The following HAVCR1 variants were observed in gnomAD, a reference collection of about 807,000 sequenced individuals.
HAVCR1 encodes hepatitis A virus cellular receptor 1.
In HAVCR1, 34 loss-of-function variants were observed where a neutral mutation model predicts 32.0. The ratio of observed to expected loss-of-function variants is 1.06; its 90% confidence interval spans 0.81 to 1.42. The LOEUF (loss-of-function observed/expected upper bound fraction) is 1.42, where lower values mean the gene tolerates loss of function less well. HAVCR1 is among the 40% of genes most tolerant of loss of function. The pLI is 0.00. For missense variants in HAVCR1, 420 were observed against 442.3 expected, an observed-to-expected ratio of 0.95 and a Z score of 0.45; for synonymous variants, 178 against 170.3, an observed-to-expected ratio of 1.05 and a Z score of -0.35.
At chr5:157,047,365 A>T (rs546914954) in intron 5 of HAVCR1, among the ~76,000 whole-genome samples, 24 of 152,266 alleles carry the variant, frequency 1.6e-4, no homozygotes, top group African/African-American at 5.8e-4. Context: ...CAGCCTGGAC[A>T]ACATGATGAA....
intron 8 of HAVCR1, 92 bp from the exon 9 acceptor site, chr5:157,029,933 A>G: frequency 2.0e-6 from 2 of 1,014,974 alleles, no homozygotes; most frequent in Non-Finnish European, 2.9e-6. Context: ...TGATCAGGCA[A>G]TATCAGGTAT....
At chr5:157,043,260 A>G (rs1755023959) in intron 5 of HAVCR1, among the ~76,000 whole-genome samples, 1 of 152,266 alleles carries the variant, frequency 6.6e-6, no homozygotes, top group Non-Finnish European at 1.5e-5. Context: ...CAGATCAAGC[A>G]TATTATGCCA....
At chr5:157,031,756 G>C (rs570251718) in intron 8 of HAVCR1, among the ~76,000 whole-genome samples, 2 of 148,464 alleles carry the variant, frequency 1.3e-5, no homozygotes, top group African/African-American at 5.0e-5. Flanking sequence ...GGAGGTGGAG[G>C]TTGCAGATCA....
intron 3 of HAVCR1, 115 bp downstream of exon 3, chr5:157,055,086 G>T: frequency 3.3e-6 from 2 of 599,198 alleles, no homozygotes; most frequent in Non-Finnish European, 3.0e-6. Context: ...AAGAACAAGA[G>T]TTTATTTAAA....
intron 7 of HAVCR1, among the ~76,000 whole-genome samples, chr5:157,035,859 T>G (rs775002978): frequency 1.9e-4 from 29 of 152,108 alleles, no homozygotes; most frequent in Non-Finnish European, 3.5e-4. Context: ...ATATAACAAC[T>G]ATTTACATGG....
At chr5:157,036,216 T>C (rs925721762) in intron 7 of HAVCR1, among the ~76,000 whole-genome samples, 3 of 151,908 alleles carry the variant, frequency 2.0e-5, no homozygotes, top group African/African-American at 7.3e-5. Flanking sequence ...TGGTGGCTCA[T>C]GCCTGTAATC....
intron 2 of HAVCR1, among the ~76,000 whole-genome samples, 163 bp from the exon 3 acceptor site, chr5:157,055,696 T>C (rs1756087317): frequency 6.6e-6 from 1 of 151,622 alleles, no homozygotes; most frequent in Non-Finnish European, 1.5e-5. Context: ...CAAAACCCGA[T>C]CTCTACTAAA....
At chr5:157,035,792 A>C (rs1754489937) in intron 7 of HAVCR1, among the ~76,000 whole-genome samples, 1 of 152,088 alleles carries the variant, frequency 6.6e-6, no homozygotes, top group Non-Finnish European at 1.5e-5. Flanking sequence ...CAAATTGAAA[A>C]TTAAAAAAAA....
In HAVCR1 at chr5:157,047,915, G is replaced by A. The variant is rs76408596; in HGVS notation, c.781+1123C>T. Among the ~76,000 whole-genome samples the A allele has an allele frequency of 8.6e-3, 1,308 of 152,264 alleles. 32 individuals carry two copies. Among genetic ancestry groups the A allele is most frequent in the African/African-American group, 0.03 (1,261 of 41,558 alleles). On this transcript the variant is annotated intron_variant, in intron 5 of 8. Coordinates refer to ENST00000523175, the MANE Select transcript of HAVCR1 (RefSeq NM_001173393.3). ...ACTGAGCCCCTTACCTGTGGGATAT[G>A]ACCCTCTCTCCGGGTAGACAGTGTA... is the stretch of plus-strand genomic sequence containing the variant.
chr5:157,032,489 GC>G (rs1253916237), intron 8 of HAVCR1, among the ~76,000 whole-genome samples: 11 of 152,362 alleles, frequency 7.2e-5, no homozygotes, highest in Admixed American at 7.2e-4. Flanking sequence ...TTGCACTCCA[GC>G]CAGGGCAGCA....
intron 8 of HAVCR1, among the ~76,000 whole-genome samples, chr5:157,030,931 G>T (rs1438277115): frequency 1.3e-5 from 2 of 151,712 alleles, no homozygotes. Context: ...AAGTGTCAAT[G>T]AGCTCAAATG....
chr5:157,052,507 G>A lies in HAVCR1; in HGVS notation c.527C>T (p.Thr176Met), dbSNP rs781388022. Residue 176 changes from threonine (T) to methionine (M), a missense_variant, in exon 4 of 9, where the codon ACG becomes ATG. Thr to Met is a moderately conservative substitution (Grantham distance 81, BLOSUM62 -1). Coordinates refer to ENST00000523175, the MANE Select transcript of HAVCR1 (RefSeq NM_001173393.3). ...VPTTMSIPTT[T>M]TVLTTMTVST... ...AACAGTCATTGTCGTCAGAACAGTC[G>A]TTGTCGTTGGAATGCTCATTGTTGT... 2.3e-5 allele frequency: 37 copies of A among 1,601,228 alleles called. No individual in the cohort carries two copies. Among genetic ancestry groups the A allele is most frequent in the Middle Eastern group, 1.7e-4 (1 of 6,050 alleles).
intron 5 of HAVCR1, 116 bp from the exon 6 acceptor site, chr5:157,042,798 C>G: frequency 1.6e-6 from 1 of 634,430 alleles, no homozygotes; most frequent in Non-Finnish European, 2.8e-6. Context: ...ATAATATGAC[C>G]AAATTCTGCA....
chr5:157,057,399 G>T (rs1756242462), intron 2 of HAVCR1, among the ~76,000 whole-genome samples: 3 of 29,622 alleles, frequency 1.0e-4, no homozygotes, highest in African/African-American at 3.1e-4. Context: ...AAGAAAGAAA[G>T]AAAGAAAGAA....
chr5:157,048,098 G>A (rs544989184), intron 5 of HAVCR1, among the ~76,000 whole-genome samples: 18 of 152,284 alleles, frequency 1.2e-4, no homozygotes, highest in African/African-American at 3.6e-4. Context: ...CCTTAATAGC[G>A]AGGACACAAA....
intron 4 of HAVCR1, among the ~76,000 whole-genome samples, chr5:157,049,490 A>G (rs1755616790): frequency 6.6e-6 from 1 of 152,234 alleles, no homozygotes; most frequent in Admixed American, 6.5e-5. Flanking sequence ...AGCCAACAAC[A>G]GGGCATTTTA....
chr5:157,041,671 G>T (rs192663419), intron 6 of HAVCR1, among the ~76,000 whole-genome samples: 1 of 152,138 alleles, frequency 6.6e-6, no homozygotes, highest in African/African-American at 2.4e-5. Flanking sequence ...TTTTGTTTGG[G>T]GCAGCCTCTA....
chr5:157,049,169 T>G, intron 4 of HAVCR1, 24 bp from the exon 5 acceptor site: 2 of 1,402,256 alleles, frequency 1.4e-6, no homozygotes, highest in African/African-American at 2.8e-5. Flanking sequence ...AATGGAAGAA[T>G]TGTTCCATTT....
intron 6 of HAVCR1, among the ~76,000 whole-genome samples, chr5:157,038,107 C>T (rs970074504): frequency 1.3e-5 from 2 of 152,178 alleles, no homozygotes; most frequent in South Asian, 4.2e-4. Flanking sequence ...TGGTTACAGT[C>T]CTTACTTGTC....
Sources: allele counts gnomAD v4.1 joint callset (sites outside exome capture counted in the v4.1 genomes callset), GRCh38; gene constraint gnomAD v4.1.1; transcripts MANE v1.5; gene names NCBI Gene and HGNC (gene_info 2026-07-23, HGNC 2026-07-21).